C13orf42: variants seen among roughly 807,000 people sequenced by gnomAD.
C13orf42 encodes the protein uncharacterized protein C13orf42.
chr13:51,116,547 A>G (rs779757631), intron 1 of C13orf42, among the ~76,000 whole-genome samples: 1 of 152,234 alleles, frequency 6.6e-6, no homozygotes, highest in African/African-American at 2.4e-5. Flanking sequence ...TACAACCCAC[A>G]CAACAGTATA....
chr13:51,140,583 G>A (rs1192216852), intron 1 of C13orf42, among the ~76,000 whole-genome samples: 1 of 152,124 alleles, frequency 6.6e-6, no homozygotes, highest in African/African-American at 2.4e-5. Context: ...AGGTCTGAGG[G>A]CACCCCCTCC....
At chr13:51,155,423 C>A (rs1953817065) in intron 1 of C13orf42, among the ~76,000 whole-genome samples, 1 of 152,196 alleles carries the variant, frequency 6.6e-6, no homozygotes, top group Admixed American at 6.5e-5. Flanking sequence ...TTGCTTCATG[C>A]AATGAATTTT....
chr13:51,086,978 C>T (rs936399304), intron 2 of C13orf42, among the ~76,000 whole-genome samples: 1 of 152,178 alleles, frequency 6.6e-6, no homozygotes, highest in Non-Finnish European at 1.5e-5. Flanking sequence ...AACAACAAAT[C>T]ACAAGCTTCT....
At chr13:51,117,644 TCA>T (rs1490469492) in intron 1 of C13orf42, among the ~76,000 whole-genome samples, 1 of 152,162 alleles carries the variant, frequency 6.6e-6, no homozygotes, top group Non-Finnish European at 1.5e-5. Context: ...AGTATTTTTT[TCA>T]CATTCTCCTG....
intron 1 of C13orf42, among the ~76,000 whole-genome samples, chr13:51,101,043 T>C (rs933177181): frequency 6.6e-6 from 1 of 152,214 alleles, no homozygotes; most frequent in Non-Finnish European, 1.5e-5. Flanking sequence ...TTTATACATA[T>C]ATGGACATGA....
At chr13:51,098,003 C>T (rs1240206502) in intron 1 of C13orf42, among the ~76,000 whole-genome samples, 1 of 152,216 alleles carries the variant, frequency 6.6e-6, no homozygotes, top group Non-Finnish European at 1.5e-5. Context: ...TTCCCTGCTC[C>T]ATCTCCCTAC....
chr13:51,103,175 C>A (rs377257275), intron 1 of C13orf42, among the ~76,000 whole-genome samples: 37 of 152,162 alleles, frequency 2.4e-4, no homozygotes, highest in Non-Finnish European at 2.9e-5. Context: ...CTGGCTCTGT[C>A]GCCAGCCTCC....
chr13:51,172,092 C>G (rs868357779), intron 1 of C13orf42: 2 of 152,082 alleles, frequency 1.3e-5, no homozygotes, highest in African/African-American at 4.8e-5. Context: ...ACGCCTGAAC[C>G]GCAGCGGCCA....
At chr13:51,154,827 C>T (rs1000435114) in intron 1 of C13orf42, among the ~76,000 whole-genome samples, 54 of 152,310 alleles carry the variant, frequency 3.5e-4, no homozygotes, top group Non-Finnish European at 2.6e-4. Flanking sequence ...ACTAATTGCA[C>T]ATTCGACGGT....
intron 1 of C13orf42, among the ~76,000 whole-genome samples, chr13:51,164,848 A>G (rs2040382220): frequency 6.6e-6 from 1 of 152,188 alleles, no homozygotes; most frequent in Non-Finnish European, 1.5e-5. Context: ...ACATGGACTG[A>G]GATCAGGAAA....
intron 1 of C13orf42, among the ~76,000 whole-genome samples, chr13:51,094,042 T>A (rs888723791): frequency 6.6e-6 from 1 of 152,218 alleles, no homozygotes; most frequent in Non-Finnish European, 1.5e-5. Flanking sequence ...TTCTTTTTGA[T>A]GCTCACACTG....
chr13:51,086,180 G>T (rs908718006), intron 2 of C13orf42, among the ~76,000 whole-genome samples: 1 of 151,932 alleles, frequency 6.6e-6, no homozygotes, highest in Non-Finnish European at 1.5e-5. Flanking sequence ...GGTGGTGAGC[G>T]CCCGTAGTCC....
intron 1 of C13orf42, among the ~76,000 whole-genome samples, chr13:51,128,680 T>A (rs546497557): frequency 6.6e-6 from 1 of 152,360 alleles, no homozygotes; most frequent in South Asian, 2.1e-4. Context: ...GATTTGGCAC[T>A]ATGGGATGTT....
intron 1 of C13orf42, among the ~76,000 whole-genome samples, chr13:51,145,055 T>A (rs7333710): frequency 0.49 from 74,740 of 151,966 alleles, 18,517 homozygotes; most frequent in African/African-American, 0.54. Flanking sequence ...TGTTTTTTCC[T>A]ATTTTTATTA....
At chr13:51,165,665 G>A (rs1363318915) in intron 1 of C13orf42, among the ~76,000 whole-genome samples, 2 of 151,792 alleles carry the variant, frequency 1.3e-5, no homozygotes, top group Admixed American at 6.6e-5. Flanking sequence ...GTGAGATGAG[G>A]ACCCACTGAG....
chr13:51,088,344 A>C (rs778962687), intron 1 of C13orf42, among the ~76,000 whole-genome samples: 3 of 152,202 alleles, frequency 2.0e-5, no homozygotes, highest in Non-Finnish European at 2.9e-5. Flanking sequence ...TTGCTGTCAG[A>C]CATTAGGCAA....
At chr13:51,139,695 A>T (rs1298245427) in intron 1 of C13orf42, among the ~76,000 whole-genome samples, 1 of 152,214 alleles carries the variant, frequency 6.6e-6, no homozygotes, top group Non-Finnish European at 1.5e-5. Context: ...CACCAGCACC[A>T]TGACAGTTTG....
At chr13:51,092,058 C>G (rs183077358) in intron 1 of C13orf42, among the ~76,000 whole-genome samples, 1 of 152,296 alleles carries the variant, frequency 6.6e-6, no homozygotes, top group East Asian at 1.9e-4. Context: ...GCGCACTTTC[C>G]CATTCTGATC....
intron 1 of C13orf42, among the ~76,000 whole-genome samples, chr13:51,101,319 A>C (rs954512284): frequency 6.6e-6 from 1 of 152,210 alleles, no homozygotes; most frequent in African/African-American, 2.4e-5. Flanking sequence ...TAGGATTCTA[A>C]GATATTTTTA....
Sources: allele counts gnomAD v4.1 joint callset (sites outside exome capture counted in the v4.1 genomes callset), GRCh38; gene constraint gnomAD v4.1.1; transcripts MANE v1.5; gene names NCBI Gene and HGNC (gene_info 2026-07-23, HGNC 2026-07-21).